Variants in ABTB3 observed in about 807,000 individuals in gnomAD.
The protein encoded by ABTB3 is ankyrin repeat- and BTB/POZ domain-containing protein 3.
At chr12:107,351,572 G>C in the ABTB3 span, among the ~76,000 whole-genome samples, 1 of 152,140 alleles carries the variant, frequency 6.6e-6, no homozygotes, top group South Asian at 2.1e-4. Context: ...CAAGGACTCT[G>C]CTCTCATGAA....
At chr12:107,462,394 T>C in the ABTB3 span, among the ~76,000 whole-genome samples, 2 of 152,210 alleles carry the variant, frequency 1.3e-5, no homozygotes, top group African/African-American at 4.8e-5. Context: ...GATTTGAAAG[T>C]CAGTAAGTAG....
chr12:107,423,823 C>T, the ABTB3 span, among the ~76,000 whole-genome samples: 1,941 of 152,310 alleles, frequency 0.013, 53 homozygotes, highest in African/African-American at 0.043. Flanking sequence ...ACTGAGAAGA[C>T]GCTGGTTTTG....
the ABTB3 span, among the ~76,000 whole-genome samples, chr12:107,490,219 G>A: frequency 6.6e-6 from 1 of 152,088 alleles, no homozygotes. Context: ...CTGAAGGCGG[G>A]GCTGCTTGAG....
At chr12:107,364,856 A>T in the ABTB3 span, among the ~76,000 whole-genome samples, 2 of 152,158 alleles carry the variant, frequency 1.3e-5, no homozygotes, top group African/African-American at 2.4e-5. Context: ...TTTTATTTTA[A>T]ATTTTATTAA....
chr12:107,457,442 A>C, the ABTB3 span, among the ~76,000 whole-genome samples: 1 of 152,206 alleles, frequency 6.6e-6, no homozygotes, highest in African/African-American at 2.4e-5. Flanking sequence ...TTTCGAAGAC[A>C]TTGGTTATGC....
At chr12:107,319,931 AACCACCACCATC>A in the ABTB3 span, 3 of 1,503,768 alleles carry the variant, frequency 2.0e-6, no homozygotes, top group African/African-American at 2.9e-5. Flanking sequence ...AGCCGCCGCC[AACCACCACCATC>A]ACCACCACCA....
the ABTB3 span, among the ~76,000 whole-genome samples, chr12:107,467,329 C>T: frequency 2.0e-5 from 3 of 152,064 alleles, no homozygotes; most frequent in South Asian, 2.1e-4. Flanking sequence ...TAGAATGTGC[C>T]GTTCCAACAA....
At chr12:107,529,283 G>A in the ABTB3 span, among the ~76,000 whole-genome samples, 2 of 148,150 alleles carry the variant, frequency 1.3e-5, no homozygotes, top group African/African-American at 5.0e-5. Context: ...TGGTGATGGT[G>A]ATGATGATGG....
At chr12:107,475,281 C>T in the ABTB3 span, among the ~76,000 whole-genome samples, 1 of 152,192 alleles carries the variant, frequency 6.6e-6, no homozygotes, top group Non-Finnish European at 1.5e-5. Context: ...TGACCTTTCT[C>T]AGCCTTAGGT....
the ABTB3 span, among the ~76,000 whole-genome samples, chr12:107,491,713 C>T: frequency 1.9e-3 from 292 of 152,044 alleles, 1 homozygote; most frequent in African/African-American, 6.6e-3. Flanking sequence ...GTCGCAGCTA[C>T]CCAGGAGGTT....
chr12:107,526,647 T>C, the ABTB3 span, among the ~76,000 whole-genome samples: 2 of 152,108 alleles, frequency 1.3e-5, no homozygotes, highest in East Asian at 3.9e-4. Context: ...GAAAAAAAAA[T>C]GAGGACTTCT....
At chr12:107,576,998 A>G in the ABTB3 span, among the ~76,000 whole-genome samples, 4 of 152,304 alleles carry the variant, frequency 2.6e-5, no homozygotes, top group East Asian at 7.7e-4. Context: ...TGGCTTTTCC[A>G]ATAGAATCGA....
At chr12:107,495,533 A>G in the ABTB3 span, among the ~76,000 whole-genome samples, 10 of 152,162 alleles carry the variant, frequency 6.6e-5, no homozygotes, top group African/African-American at 2.4e-4. Flanking sequence ...CTCCATCCCT[A>G]ACGGGGGCCA....
At chr12:107,366,563 C>T in the ABTB3 span, among the ~76,000 whole-genome samples, 1,791 of 152,220 alleles carry the variant, frequency 0.012, 44 homozygotes, top group African/African-American at 0.041. Flanking sequence ...AGCATGTAGG[C>T]TTGGGAGCTG....
the ABTB3 span, among the ~76,000 whole-genome samples, chr12:107,457,692 C>T: frequency 2.0e-5 from 3 of 152,236 alleles, no homozygotes; most frequent in Non-Finnish European, 1.5e-5. Flanking sequence ...AAAAGCAGCA[C>T]TGTCACCCAG....
At chr12:107,393,052 A>G in the ABTB3 span, among the ~76,000 whole-genome samples, 3 of 152,146 alleles carry the variant, frequency 2.0e-5, no homozygotes, top group Non-Finnish European at 4.4e-5. Flanking sequence ...TGTGCAGGCC[A>G]CACCTGGTGC....
chr12:107,512,181 A>C, the ABTB3 span, among the ~76,000 whole-genome samples: 1 of 152,370 alleles, frequency 6.6e-6, no homozygotes, highest in East Asian at 1.9e-4. Flanking sequence ...AGGAAGCAAA[A>C]GAACCAGAGC....
the ABTB3 span, among the ~76,000 whole-genome samples, chr12:107,653,826 A>T: frequency 6.6e-6 from 1 of 152,240 alleles, no homozygotes; most frequent in Admixed American, 6.5e-5. Context: ...ATTTTTAAGT[A>T]TACAGTTCAG....
At chr12:107,375,467 A>ATC in the ABTB3 span, among the ~76,000 whole-genome samples, 30 of 142,728 alleles carry the variant, frequency 2.1e-4, no homozygotes, top group East Asian at 1.5e-3. Context: ...TCATCATCAT[A>ATC]AATAAAAATA....
Sources: gnomAD v4.1 joint callset for allele counts (sites outside exome capture counted in the v4.1 genomes callset) on GRCh38, gnomAD v4.1.1 for gene constraint, MANE v1.5 for transcripts, NCBI Gene and HGNC (gene_info 2026-07-23, HGNC 2026-07-21) for gene names.